The following CMTM7 variants were observed in gnomAD, a reference collection of about 807,000 sequenced individuals.
CMTM7 encodes CKLF like MARVEL transmembrane domain containing 7, also known as CKLF-like MARVEL transmembrane domain-containing protein 7.
A neutral mutation model predicts 19.3 loss-of-function variants in CMTM7; 7 were observed. That is an observed-to-expected ratio of 0.36 (90% confidence interval 0.21 to 0.68). The LOEUF (loss-of-function observed/expected upper bound fraction) is 0.68, where lower values mean the gene tolerates loss of function less well. CMTM7 is among the 30% of genes least tolerant of loss of function. The pLI is 0.60. For missense variants in CMTM7, 193 were observed against 232.6 expected (o/e 0.83, Z 1.11); for synonymous variants, 87 against 99.3 (o/e 0.88, Z 0.74).
At chr3:32,443,593 A>G (rs1187608517) in intron 2 of CMTM7, among the ~76,000 whole-genome samples, 1 of 152,192 alleles carries the variant, frequency 6.6e-6, no homozygotes, top group Non-Finnish European at 1.5e-5. Context: ...TAGGAGGGGA[A>G]TTACTGAGTC....
At chr3:32,406,454 A>T (rs1696092842) in intron 1 of CMTM7, among the ~76,000 whole-genome samples, 1 of 152,244 alleles carries the variant, frequency 6.6e-6, no homozygotes, top group East Asian at 1.9e-4. Context: ...TCAACTTGTG[A>T]TCTTCTCCCA....
chr3:32,425,189 A>G lies in CMTM7; in HGVS notation c.160-16651A>G, dbSNP rs375984415. On this transcript the variant is annotated intron_variant, in intron 1 of 4. Coordinates refer to ENST00000334983, the MANE Select transcript of CMTM7 (RefSeq NM_138410.4). ...GTTGTCATAATAATTTGACAGCCCTATGCCTGGCACATAAGTGCGTAATGA... is the reference window on the plus strand; with the variant it reads ...GTTGTCATAATAATTTGACAGCCCTGTGCCTGGCACATAAGTGCGTAATGA... Among the ~76,000 whole-genome samples the G allele has an allele frequency of 4.7e-4, 72 of 152,336 alleles. 1 individual carries two copies. In the South Asian group the frequency reaches 0.014, roughly 30 times the overall value.
At chr3:32,439,747 C>T (rs1206733983) in intron 1 of CMTM7, among the ~76,000 whole-genome samples, 2 of 152,234 alleles carry the variant, frequency 1.3e-5, no homozygotes, top group Non-Finnish European at 2.9e-5. Context: ...GCCTGGGATG[C>T]CAGGCATGCA....
chr3:32,444,413 C>G (rs975476487), intron 2 of CMTM7, among the ~76,000 whole-genome samples: 2 of 152,170 alleles, frequency 1.3e-5, no homozygotes, highest in Non-Finnish European at 2.9e-5. Context: ...TTCCATTGAT[C>G]TATGTGTCTG....
At chr3:32,435,817 A>G (rs1008518869) in intron 1 of CMTM7, among the ~76,000 whole-genome samples, 3 of 152,270 alleles carry the variant, frequency 2.0e-5, no homozygotes, top group Non-Finnish European at 2.9e-5. Flanking sequence ...TTTGTATGAC[A>G]TTAAAGATCT....
intron 2 of CMTM7, among the ~76,000 whole-genome samples, chr3:32,447,873 AC>A (rs1224307519): frequency 6.6e-6 from 1 of 152,118 alleles, no homozygotes; most frequent in African/African-American, 2.4e-5. Flanking sequence ...CAATCTGACC[AC>A]CTCTGCATCT....
At chr3:32,411,289 T>C (rs1255837958) in intron 1 of CMTM7, among the ~76,000 whole-genome samples, 1 of 152,272 alleles carries the variant, frequency 6.6e-6, no homozygotes. Context: ...TTTTGTCTTA[T>C]GCTTATTGAA....
At chr3:32,413,199 A>G (rs1304404406) in intron 1 of CMTM7, among the ~76,000 whole-genome samples, 1 of 152,192 alleles carries the variant, frequency 6.6e-6, no homozygotes, top group East Asian at 1.9e-4. Context: ...AATATGTCCT[A>G]TTTGGTCATT....
At chr3:32,401,996 C>T (rs368828402) in intron 1 of CMTM7, among the ~76,000 whole-genome samples, 1 of 152,248 alleles carries the variant, frequency 6.6e-6, no homozygotes, top group Admixed American at 6.5e-5. Context: ...TCAGCAAGGG[C>T]AGTGACGCGG....
rs1052338287 is a variant in CMTM7, at chr3:32,411,184, A to G, written c.159+19119A>G. On this transcript the variant is annotated intron_variant, in intron 1 of 4. Coordinates refer to ENST00000334983, the MANE Select transcript of CMTM7 (RefSeq NM_138410.4). Reference sequence around the variant, plus strand: ...AGACCCTAAACAAGGATGGTATTTCATCACCTCGAAGGCACCATTGTTTTA... The same window carrying G: ...AGACCCTAAACAAGGATGGTATTTCGTCACCTCGAAGGCACCATTGTTTTA... Among the ~76,000 whole-genome samples, 9 of 152,340 alleles carry G rather than the reference A, an allele frequency of 5.9e-5. No homozygotes were observed. In the East Asian group the frequency reaches 1.3e-3, roughly 23 times the overall value.
At chr3:32,418,018 C>T (rs1696292436) in intron 1 of CMTM7, among the ~76,000 whole-genome samples, 1 of 152,134 alleles carries the variant, frequency 6.6e-6, no homozygotes, top group South Asian at 2.1e-4. Flanking sequence ...GACCAGGTTT[C>T]CCTGTGTTGC....
intron 1 of CMTM7, among the ~76,000 whole-genome samples, chr3:32,435,281 G>C (rs1452973821): frequency 6.6e-6 from 1 of 152,112 alleles, no homozygotes; most frequent in African/African-American, 2.4e-5. Flanking sequence ...GTGCATGCTT[G>C]TAGTCCCAGC....
Position 32,391,932 on chromosome 3 carries a change from G to A in CMTM7, c.26G>A (p.Arg9His). 1 of 1,227,534 alleles carries A rather than the reference G, an allele frequency of 8.1e-7. No individual in the cohort carries two copies. The highest frequency in any genetic ancestry group is 4.1e-5 in the South Asian group (1 of 24,310). The allele number at this position is 1,227,534 out of a possible 1,614,324, so 76.0% of individuals were successfully genotyped here. The change falls in exon 1 of 5, where the codon CGC (arginine) becomes CAC (histidine). Residue 9 changes from arginine to histidine, a missense_variant. Arg to His is a conservative substitution (Grantham distance 29). Coordinates refer to ENST00000334983, the MANE Select transcript of CMTM7 (RefSeq NM_138410.4). Reference sequence around the variant, plus strand: ...ATGTCGCACGGAGCCGGGCTCGTCCGCACCACGTGCAGCAGCGGCAGCGCG... The same window carrying A: ...ATGTCGCACGGAGCCGGGCTCGTCCACACCACGTGCAGCAGCGGCAGCGCG... MSHGAGLV[R>H]TTCSSGSALG... is the part of the protein sequence containing the mutation.
Position 32,416,171 on chromosome 3 carries a change from T to C in CMTM7, c.159+24106T>C, listed in dbSNP as rs536301189. The stretch of plus-strand genomic sequence containing the variant: ...GAGATCAGCATTGTTCTAATTATGA[T>C]ATATATGTGCACATAAGTACTTTTT... On this transcript the variant is annotated intron_variant, in intron 1 of 4. Coordinates refer to ENST00000334983, the MANE Select transcript of CMTM7 (RefSeq NM_138410.4). 6.0e-4 allele frequency among the ~76,000 whole-genome samples: 90 copies of C among 150,848 alleles called. No individual in the cohort carries two copies. In the South Asian group the frequency reaches 0.018, roughly 30 times the overall value.
intron 1 of CMTM7, among the ~76,000 whole-genome samples, chr3:32,404,590 G>A (rs984872659): frequency 1.2e-4 from 18 of 152,234 alleles, no homozygotes; most frequent in African/African-American, 3.9e-4. Context: ...TGTGGAGCCA[G>A]CATTTGAACC....
intron 1 of CMTM7, among the ~76,000 whole-genome samples, chr3:32,401,636 GTTTCCTC>G (rs1696005397): frequency 6.6e-6 from 1 of 152,264 alleles, no homozygotes; most frequent in South Asian, 2.1e-4. Context: ...ACAGCCATCT[GTTTCCTC>G]CCCTCTGCCA....
At chr3:32,452,519 G>A (rs1235095101) in intron 4 of CMTM7, 46 bp downstream of exon 4, 2 of 1,586,980 alleles carry the variant, frequency 1.3e-6, no homozygotes, top group East Asian at 2.2e-5. Context: ...AGGAACAGGG[G>A]GATGGCTTGT....
At chr3:32,428,312 G>A (rs555476637) in intron 1 of CMTM7, among the ~76,000 whole-genome samples, 72 of 152,318 alleles carry the variant, frequency 4.7e-4, no homozygotes, top group African/African-American at 1.7e-3. Context: ...CAGCCTCAGA[G>A]TCCGACTCCT....
intron 4 of CMTM7, among the ~76,000 whole-genome samples, chr3:32,454,024 CG>C (rs1696873118): frequency 6.6e-6 from 1 of 152,076 alleles, no homozygotes; most frequent in African/African-American, 2.4e-5. Context: ...AGACTGAGGT[CG>C]GGGGAGTGCG....
Sources: gnomAD v4.1 joint callset for allele counts (sites outside exome capture counted in the v4.1 genomes callset) on GRCh38, gnomAD v4.1.1 for gene constraint, MANE v1.5 for transcripts, NCBI Gene and HGNC (gene_info 2026-07-23, HGNC 2026-07-21) for gene names.